The following TRIM66 variants were observed in gnomAD, a reference collection of about 807,000 sequenced individuals.
TRIM66 encodes the protein tripartite motif containing 66.
A neutral mutation model predicts 148.2 loss-of-function variants in TRIM66; 99 were observed. The observed-to-expected ratio is 0.67, with a 90% CI of 0.57 to 0.79. TRIM66 has a LOEUF of 0.79. TRIM66 is among the 30% of genes least tolerant of loss of function. The pLI is 0.00. For synonymous variants in TRIM66, 616 were observed against 635.9 expected (o/e 0.97, Z 0.47); for missense variants, 1,666 against 1,697.9 (o/e 0.98, Z 0.33).
intron 15 of TRIM66, among the ~76,000 whole-genome samples, chr11:8,628,437 A>C (rs2035060337): frequency 6.6e-6 from 1 of 151,618 alleles, no homozygotes; most frequent in Non-Finnish European, 1.5e-5. Context: ...ATATGGTGAA[A>C]CCCCGTCTCC....
intron 10 of TRIM66, 93 bp from the exon 11 acceptor site, chr11:8,646,654 G>A: frequency 2.1e-6 from 2 of 967,938 alleles, no homozygotes. Context: ...CTTGGAGGCT[G>A]CCTACTGAGA....
chr11:8,643,174 T>C, intron 12 of TRIM66, 48 bp from the exon 13 acceptor site: 4 of 1,474,538 alleles, frequency 2.7e-6, no homozygotes, highest in Non-Finnish European at 3.7e-6. Context: ...TGCACCTAAA[T>C]GACAACTCCC....
At chr11:8,658,516 A>G (rs911418283) in intron 6 of TRIM66, among the ~76,000 whole-genome samples, 3 of 152,192 alleles carry the variant, frequency 2.0e-5, no homozygotes, top group African/African-American at 7.2e-5. Flanking sequence ...AATAGAGCTC[A>G]TCACAACAAC....
intron 15 of TRIM66, among the ~76,000 whole-genome samples, chr11:8,636,183 G>C (rs114180333): frequency 1.3e-5 from 2 of 151,752 alleles, no homozygotes; most frequent in Non-Finnish European, 2.9e-5. Context: ...AAGCAACTCA[G>C]CTCAAATGGA....
chr11:8,644,470 T>C, intron 12 of TRIM66: 1 of 451,746 alleles, frequency 2.2e-6, no homozygotes, highest in African/African-American at 2.0e-5. Flanking sequence ...AAGGATAAAT[T>C]ACCCCAACTT....
At chr11:8,653,534 C>A (rs1324321938) in intron 6 of TRIM66, among the ~76,000 whole-genome samples, 1 of 152,148 alleles carries the variant, frequency 6.6e-6, no homozygotes, top group Non-Finnish European at 1.5e-5. Context: ...CCCCAACTAA[C>A]CCACTAGCTG....
chr11:8,668,206 T>G (rs182576352), intron 6 of TRIM66, among the ~76,000 whole-genome samples: 1 of 152,342 alleles, frequency 6.6e-6, no homozygotes. Flanking sequence ...TTATTGGTTA[T>G]TTGTACTTCA....
intron 6 of TRIM66, among the ~76,000 whole-genome samples, chr11:8,663,980 G>C (rs2038426213): frequency 6.6e-6 from 1 of 152,186 alleles, no homozygotes; most frequent in Admixed American, 6.5e-5. Flanking sequence ...TGGTTGGCAG[G>C]GGGCAAGGGT....
chr11:8,629,230 C>T (rs2035160233), intron 15 of TRIM66, among the ~76,000 whole-genome samples: 1 of 152,182 alleles, frequency 6.6e-6, no homozygotes, highest in Admixed American at 6.5e-5. Context: ...TTCTATATTT[C>T]CTTATCTATG....
chr11:8,677,517 G>GC (rs1356331797), intron 3 of TRIM66, among the ~76,000 whole-genome samples: 2 of 152,162 alleles, frequency 1.3e-5, no homozygotes, highest in African/African-American at 4.8e-5. Flanking sequence ...TGATGGTCAT[G>GC]CCTGTAATCC....
chr11:8,652,540 A>T (rs920801934), intron 6 of TRIM66, among the ~76,000 whole-genome samples: 4 of 152,170 alleles, frequency 2.6e-5, no homozygotes, highest in Non-Finnish European at 5.9e-5. Context: ...TATTTTACCT[A>T]TGAACAGCTT....
chr11:8,620,409 A>C (rs1422517690), intron 21 of TRIM66, 37 bp downstream of exon 21: 34 of 1,550,048 alleles, frequency 2.2e-5, no homozygotes, highest in Non-Finnish European at 2.9e-5. Flanking sequence ...GGGGCTGCCA[A>C]AGGCAGGGAA....
intron 6 of TRIM66, among the ~76,000 whole-genome samples, chr11:8,660,426 A>C (rs867279225): frequency 3.3e-5 from 5 of 152,120 alleles, no homozygotes; most frequent in South Asian, 2.1e-4. Context: ...GATTCAAACC[A>C]CCCAATTTCC....
At position 8,617,979 on chromosome 11, in the gene TRIM66, A is replaced by T; in HGVS notation, c.4144T>A (p.Ser1382Thr). The T allele has an allele frequency of 6.4e-7, 1 of 1,551,730 alleles. No individual in the cohort carries two copies. The part of the protein sequence containing the change: ...HMENERAKRM[S>T]FRLANSISQV ...GAGATGCTGTTGGCCAGGCGAAATG[A>T]CATTCTTTTTGCTCTTTCATTCTCC... is the stretch of plus-strand genomic sequence containing the variant. Residue 1382 changes from serine (S) to threonine (T), a missense_variant, in exon 25 of 25, where the codon TCA becomes ACA. By Grantham distance (58) the Ser-to-Thr change is moderately conservative. Coordinates refer to ENST00000646038, the MANE Select transcript of TRIM66 (RefSeq NM_001388022.1).
At chr11:8,659,480 G>T (rs1040575032) in intron 6 of TRIM66, among the ~76,000 whole-genome samples, 10 of 152,258 alleles carry the variant, frequency 6.6e-5, no homozygotes, top group South Asian at 2.1e-4. Flanking sequence ...CAAGTGGAGG[G>T]GCTGTCATGA....
chr11:8,676,898 G>A (rs1312404778), intron 3 of TRIM66, among the ~76,000 whole-genome samples: 1 of 152,102 alleles, frequency 6.6e-6, no homozygotes, highest in Non-Finnish European at 1.5e-5. Flanking sequence ...TGGGTCTAAT[G>A]TCTCCAAATC....
In TRIM66 at chr11:8,613,786, C is replaced by G. The variant is rs1433274370; in HGVS notation, c.*4158G>C. On this transcript the variant is annotated 3_prime_UTR_variant, in exon 25 of 25. Coordinates refer to ENST00000646038, the MANE Select transcript of TRIM66 (RefSeq NM_001388022.1). ...AGATGAATGAGAGGGGAGAGAGGAA[C>G]AGCAGGCAAGGAAGCTCTTGCTTTA... 1 of 151,970 alleles carries G rather than the reference C, an allele frequency of 6.6e-6. No individual in the cohort carries two copies. Among genetic ancestry groups the G allele is most frequent in the Non-Finnish European group, 1.5e-5 (1 of 68,060 alleles). 9.4% of individuals were successfully genotyped at this position (151,970 alleles called of 1,614,324 possible). A position where few individuals can be genotyped will look rare whatever the true frequency, so the allele number is the denominator to read the frequency against.
In TRIM66 at chr11:8,621,111, C is replaced by T. The variant is rs758937495; in HGVS notation, c.3466G>A (p.Gly1156Arg). 2.8e-5 allele frequency: 44 copies of T among 1,551,600 alleles called. No individual in the cohort carries two copies. The highest frequency in any genetic ancestry group is 2.4e-5 in the South Asian group (2 of 84,068). The part of the protein sequence containing the change: ...EDFCAVCLNG[G>R]ELLCCDRCPK... ...CAGCGGTCACAGCACAGTAACTCTC[C>T]GCCATTGAGGCAAACAGCACAGAAG... is the stretch of plus-strand genomic sequence containing the variant. Residue 1156 changes from glycine to arginine, a missense_variant, in exon 20 of 25, where the codon GGA becomes AGA. By Grantham distance (125) the Gly-to-Arg change is moderately radical (BLOSUM62 -2). Around this residue, in one of 3 missense-constraint regions of TRIM66, gnomAD observed 1,431 missense variants for 1,412.4 expected, o/e 1.01. Coordinates refer to ENST00000646038, the MANE Select transcript of TRIM66 (RefSeq NM_001388022.1).
chr11:8,626,243 A>G (rs1012693782), intron 15 of TRIM66, among the ~76,000 whole-genome samples: 1 of 152,204 alleles, frequency 6.6e-6, no homozygotes, highest in Admixed American at 6.5e-5. Context: ...AAAAGACTAA[A>G]TATATAACAA....
Sources: allele counts gnomAD v4.1 joint callset (sites outside exome capture counted in the v4.1 genomes callset), GRCh38; gene constraint gnomAD v4.1.1; regional missense constraint gnomAD v4.1.1; transcripts MANE v1.5; gene names NCBI Gene and HGNC (gene_info 2026-07-23, HGNC 2026-07-21).